Variants in USP15 observed in about 807,000 individuals in gnomAD.
USP15 encodes ubiquitin carboxyl-terminal hydrolase 15.
A neutral mutation model predicts 127.1 loss-of-function variants in USP15; 18 were observed. The ratio of observed to expected loss-of-function variants is 0.14; its 90% CI spans 0.10 to 0.21. USP15 has a LOEUF of 0.21. Ranked by LOEUF, USP15 falls within the 10% of genes least tolerant of loss-of-function variation. The pLI, the probability that USP15 is intolerant of heterozygous loss-of-function variation, is 1.00. For missense variants in USP15, 805 were observed against 1,159.9 expected (o/e 0.69, Z 4.44); for synonymous variants, 364 against 393.7 (o/e 0.92, Z 0.89).
chr12:62,335,520 C>G (rs2065434832), intron 6 of USP15: 1 of 1,130,966 alleles, frequency 8.8e-7, no homozygotes. Flanking sequence ...CTGGTCCTTG[C>G]TTTTTCTTTT....
intron 6 of USP15, chr12:62,328,223 A>C (rs1444789937): frequency 9.4e-6 from 4 of 425,790 alleles, no homozygotes; most frequent in Non-Finnish European, 1.9e-5. Context: ...GTCTAATATA[A>C]GATTAATTTA....
intron 1 of USP15, among the ~76,000 whole-genome samples, chr12:62,261,618 T>G (rs1239880428): frequency 6.6e-6 from 1 of 152,208 alleles, no homozygotes; most frequent in Non-Finnish European, 1.5e-5. Flanking sequence ...ATCTTCATGC[T>G]GTAAAATGGA....
chr12:62,321,700 T>C, intron 5 of USP15, 91 bp downstream of exon 5: 1 of 1,092,644 alleles, frequency 9.2e-7, no homozygotes, highest in Non-Finnish European at 1.2e-6. Flanking sequence ...TAATGGGCTG[T>C]ACTGTTTCTG....
In USP15 at chr12:62,414,141, C is replaced by T. The variant is rs552818824; in HGVS notation, c.*9766C>T. The T allele has an allele frequency of 6.6e-6, 1 of 152,070 alleles. No individual in the cohort carries two copies. Among genetic ancestry groups the T allele is most frequent in the African/African-American group, 2.4e-5 (1 of 41,374 alleles). 9.4% of individuals were successfully genotyped at this position (152,070 alleles called of 1,614,324 possible). A position where few individuals can be genotyped will look rare whatever the true frequency, so the allele number is the denominator to read the frequency against. The stretch of plus-strand genomic sequence containing the variant: ...TGATCACAGATCACCGTAACAGATA[C>T]AATAATAATGAAGACATTTGAAATG... On this transcript the variant is annotated 3_prime_UTR_variant, in exon 22 of 22. Coordinates refer to ENST00000280377, the MANE Select transcript of USP15 (RefSeq NM_001252078.2).
At chr12:62,322,748 A>T (rs1032960703) in intron 5 of USP15, among the ~76,000 whole-genome samples, 2 of 152,176 alleles carry the variant, frequency 1.3e-5, no homozygotes, top group African/African-American at 4.8e-5. Flanking sequence ...AATTAAGTCC[A>T]GGCACTTTAA....
intron 1 of USP15, among the ~76,000 whole-genome samples, chr12:62,280,258 TC>T (rs145178147): frequency 0.069 from 10,479 of 152,248 alleles, 494 homozygotes; most frequent in Non-Finnish European, 0.11. Flanking sequence ...TTGTTTTTCT[TC>T]CAGACTTTCT....
intron 3 of USP15, 141 bp from the exon 4 acceptor site, chr12:62,314,649 T>TA (rs955563144): frequency 2.6e-5 from 20 of 779,792 alleles, no homozygotes; most frequent in African/African-American, 3.6e-5. Context: ...ATATCTTTTT[T>TA]TATATATATT....
chr12:62,268,327 AG>A (rs887030488), intron 1 of USP15, among the ~76,000 whole-genome samples: 3 of 152,272 alleles, frequency 2.0e-5, no homozygotes, highest in South Asian at 2.1e-4. Flanking sequence ...TGTGTGATAG[AG>A]CCATACCCAG....
chr12:62,329,364 C>A (rs1289358268), intron 6 of USP15, among the ~76,000 whole-genome samples: 1 of 152,050 alleles, frequency 6.6e-6, no homozygotes, highest in Non-Finnish European at 1.5e-5. Context: ...CAGTGAGACT[C>A]TATCTGAAAA....
chr12:62,275,797 C>T (rs2137069941), intron 1 of USP15, among the ~76,000 whole-genome samples: 1 of 152,144 alleles, frequency 6.6e-6, no homozygotes, highest in Non-Finnish European at 1.5e-5. Context: ...AGGTAAGATT[C>T]AGGTGTGATG....
chr12:62,329,347 G>A (rs1381199904), intron 6 of USP15, among the ~76,000 whole-genome samples: 1 of 152,088 alleles, frequency 6.6e-6, no homozygotes, highest in Non-Finnish European at 1.5e-5. Context: ...CTCCAGCCTC[G>A]GTGACACAGT....
intron 1 of USP15, among the ~76,000 whole-genome samples, chr12:62,262,623 C>T (rs533732536): frequency 1.3e-5 from 2 of 152,064 alleles, no homozygotes; most frequent in African/African-American, 4.8e-5. Context: ...TATATTTTTG[C>T]TTTTTTACAA....
intron 1 of USP15, among the ~76,000 whole-genome samples, chr12:62,275,462 A>G (rs1194364638): frequency 6.6e-6 from 1 of 152,026 alleles, no homozygotes; most frequent in Non-Finnish European, 1.5e-5. Flanking sequence ...ATATAAAATT[A>G]TGAATCCGTT....
chr12:62,313,035 G>A (rs1477290063), intron 3 of USP15, among the ~76,000 whole-genome samples: 1 of 151,444 alleles, frequency 6.6e-6, no homozygotes, highest in Non-Finnish European at 1.5e-5. Flanking sequence ...ACAACACCTT[G>A]TTAATACACT....
intron 1 of USP15, chr12:62,278,998 CT>C (rs1197272898): frequency 1.3e-5 from 2 of 152,096 alleles, no homozygotes; most frequent in African/African-American, 4.8e-5. Context: ...TCTATATCAA[CT>C]TTTTTCATTG....
chr12:62,407,179 C>T lies in USP15; in HGVS notation c.*2804C>T, dbSNP rs1205361133. 1 of 152,154 alleles carries T rather than the reference C, an allele frequency of 6.6e-6. No homozygotes were observed. The highest frequency in any genetic ancestry group is 2.4e-5 in the African/African-American group (1 of 41,412). 9.4% of individuals were successfully genotyped at this position (152,154 alleles called of 1,614,324 possible). A position where few individuals can be genotyped will look rare whatever the true frequency, so the allele number is the denominator to read the frequency against. Reference sequence around the variant, plus strand: ...ATATTAAAGTGTTTATATGCATTCTCTCATTTAATCCCACAACAGCTATGA... The same window carrying T: ...ATATTAAAGTGTTTATATGCATTCTTTCATTTAATCCCACAACAGCTATGA... On this transcript the variant is annotated 3_prime_UTR_variant, in exon 22 of 22. Coordinates refer to ENST00000280377, the MANE Select transcript of USP15 (RefSeq NM_001252078.2).
chr12:62,371,616 A>G (rs1194226822), intron 8 of USP15, among the ~76,000 whole-genome samples: 1 of 152,124 alleles, frequency 6.6e-6, no homozygotes, highest in African/African-American at 2.4e-5. Context: ...CTAGCGGTTC[A>G]TTTTTATTAT....
In USP15 at chr12:62,388,117, A is replaced by ATT. The variant is rs58192089; in HGVS notation, c.1474-1290_1474-1289dup. 2.5e-3 allele frequency among the ~76,000 whole-genome samples: 265 copies of ATT among 106,586 alleles called. 7 individuals carry two copies. The highest frequency in any genetic ancestry group is 3.0e-3 in the African/African-American group (85 of 28,182). The allele number at this position is 106,586 out of a possible 152,430, so 69.9% of individuals were successfully genotyped here. ...ATAGGAAGCCTAAAGAATGGTGAAG[A>ATT]TTTTTTTTTTTTTTTTTTTTTTTTT... On this transcript the variant is annotated intron_variant, in intron 11 of 21. Coordinates refer to ENST00000280377, the MANE Select transcript of USP15 (RefSeq NM_001252078.2).
chr12:62,302,619 A>G lies in USP15; in HGVS notation c.218-171A>G, dbSNP rs183873312. Among the ~76,000 whole-genome samples, 345 of 152,244 alleles carry G rather than the reference A, an allele frequency of 2.3e-3. 3 individuals are homozygous for G. The highest frequency in any genetic ancestry group is 7.9e-3 in the African/African-American group (329 of 41,564). Reference sequence around the variant, plus strand: ...TATTGTTAGTGTTACAATTCTTCCAATACGGCCCAGAGAAACCCAAAAATT... The same window carrying G: ...TATTGTTAGTGTTACAATTCTTCCAGTACGGCCCAGAGAAACCCAAAAATT... On this transcript the variant is annotated intron_variant, in intron 2 of 21. Coordinates refer to ENST00000280377, the MANE Select transcript of USP15 (RefSeq NM_001252078.2).
Sources: allele counts gnomAD v4.1 joint callset (sites outside exome capture counted in the v4.1 genomes callset), GRCh38; gene constraint gnomAD v4.1.1; transcripts MANE v1.5; gene names NCBI Gene and HGNC (gene_info 2026-07-23, HGNC 2026-07-21).